Variants in FAM131B observed in about 807,000 individuals in gnomAD.
The protein encoded by FAM131B is family with sequence similarity 131 member B, also known as protein FAM131B.
A neutral mutation model predicts 42.0 loss-of-function variants in FAM131B; 19 were observed. That is an observed-to-expected ratio of 0.45 (90% CI 0.32 to 0.66). The LOEUF is 0.66. Among genes scored for constraint, FAM131B ranks in the 30% least tolerant of loss-of-function variants. FAM131B has a pLI of 0.05. For missense variants in FAM131B, 370 were observed against 468.4 expected (o/e 0.79, Z 1.94); for synonymous variants, 183 against 177.6 (o/e 1.03, Z -0.24).
At position 143,359,339 on chromosome 7, in the gene FAM131B, C is replaced by T. The variant is rs775720359; in HGVS notation, c.255G>A (p.Lys85=). 6.2e-7 allele frequency: 1 copy of T among 1,613,182 alleles called. No homozygotes were observed. Among genetic ancestry groups the T allele is most frequent in the Admixed American group, 1.7e-5 (1 of 59,986 alleles). The part of the protein sequence containing the change: ...SNAYGIGALA[K]SSFSGISRSM... ...CAGGAGTCTCACCTGAGAATGATGA[C>T]TTGGCCAGGGCCCCAATGCCATAGG... Residue 85 remains lysine (K), a synonymous_variant, in exon 4 of 7, where the codon AAG becomes AAA. Transcript: ENST00000443739. This position sits in a 1 kb window ranked among gnomAD's most constrained non-coding sequence, Gnocchi z 5.4.
intron 1 of FAM131B, 159 bp from the exon 2 acceptor site, chr7:143,360,308 G>A (rs1803898470): frequency 6.9e-7 from 1 of 1,447,048 alleles, no homozygotes. Flanking sequence ...TAGTAATGCT[G>A]AGCCCAAATA....
upstream of FAM131B, chr7:143,364,002 A>T (rs187232429): frequency 6.6e-6 from 1 of 152,238 alleles, no homozygotes; most frequent in Non-Finnish European, 1.5e-5. Flanking sequence ...GATTATGGTG[A>T]CAGAATCCAT....
chr7:143,382,256 C>T, the FAM131B span: 1 of 1,612,504 alleles, frequency 6.2e-7, no homozygotes, highest in Non-Finnish European at 8.5e-7. Flanking sequence ...AGACTTTCCC[C>T]TGCCTCCACC....
upstream of FAM131B, among the ~76,000 whole-genome samples, chr7:143,366,687 AGCTGGGACTACAG>A (rs753811611): frequency 2.4e-4 from 37 of 151,660 alleles, no homozygotes; most frequent in Admixed American, 5.3e-4. Context: ...TCTCTAGAGT[AGCTGGGACTACAG>A]GCACCCGCCA....
At position 143,356,633 on chromosome 7, in the gene FAM131B, T is replaced by C. The variant is rs1389527823; in HGVS notation, c.1000A>G (p.Thr334Ala). 2.5e-6 allele frequency: 4 copies of C among 1,614,016 alleles called. No individual in the cohort carries two copies. Among genetic ancestry groups the C allele is most frequent in the Non-Finnish European group, 3.4e-6 (4 of 1,179,996 alleles). Reference sequence around the variant, plus strand: ...TCAGACACCTTCCGGCTGAGAGCGGTAGACATCTCAGGGTCTTCTCGTGGG... The same window carrying C: ...TCAGACACCTTCCGGCTGAGAGCGGCAGACATCTCAGGGTCTTCTCGTGGG... ...LSPREDPEMS[T>A]ALSRKVSDVT... Residue 334 changes from threonine to alanine, a missense_variant, in exon 7 of 7, where the codon ACC becomes GCC. Thr to Ala is a moderately conservative substitution (Grantham distance 58). Transcript: ENST00000443739. The surrounding 1 kb of genome is among the most constrained non-coding windows in gnomAD (Gnocchi z 4.4).
At chr7:143,377,996 G>A in the FAM131B span, among the ~76,000 whole-genome samples, 10 of 152,194 alleles carry the variant, frequency 6.6e-5, no homozygotes, top group African/African-American at 4.8e-5. Flanking sequence ...GATTACAGGC[G>A]TGAGCCACTG....
chr7:143,382,069 T>A, the FAM131B span: 1 of 621,918 alleles, frequency 1.6e-6, no homozygotes, highest in Non-Finnish European at 2.7e-6. Context: ...TCCTCGGCAG[T>A]GCGCCCGGCC....
At chr7:143,374,287 G>A in the FAM131B span, among the ~76,000 whole-genome samples, 19 of 152,180 alleles carry the variant, frequency 1.2e-4, no homozygotes, top group African/African-American at 3.9e-4. Flanking sequence ...AGAGTGCCAC[G>A]CTCCACATAG....
the FAM131B span, chr7:143,379,597 G>A: frequency 6.6e-6 from 1 of 152,208 alleles, no homozygotes; most frequent in African/African-American, 2.4e-5. Context: ...CCCAGAAAGG[G>A]ACATATGGGG....
chr7:143,365,390 T>G (rs530213280), upstream of FAM131B, among the ~76,000 whole-genome samples: 15 of 152,176 alleles, frequency 9.9e-5, 1 homozygote, highest in Admixed American at 2.0e-4. Context: ...ATGAGAGAGA[T>G]AGAGAAAAAA....
the FAM131B span, chr7:143,380,469 G>T: frequency 1.0e-6 from 1 of 985,382 alleles, no homozygotes; most frequent in Non-Finnish European, 1.2e-6. This position sits in a 1 kb window ranked among gnomAD's most constrained non-coding sequence, Gnocchi z 5.0. Context: ...CGTGGTGGGC[G>T]TTGAAGGGCC....
chr7:143,372,566 G>C, the FAM131B span, among the ~76,000 whole-genome samples: 99 of 152,340 alleles, frequency 6.5e-4, 1 homozygote, highest in East Asian at 0.018. Flanking sequence ...TAACCTTTGA[G>C]CACCTGCAAT....
Position 143,356,466 on chromosome 7 carries a change from G to T in FAM131B, c.*84C>A. ...CCCCAATGTTGTCTGCCCAGTTTCA[G>T]CTGTACTGCTGGGGGGAGGGAGGGT... On this transcript the variant is annotated 3_prime_UTR_variant, in exon 7 of 7. Coordinates refer to ENST00000443739, the MANE Select transcript of FAM131B (RefSeq NM_001031690.3). This position sits in a 1 kb window ranked among gnomAD's most constrained non-coding sequence, Gnocchi z 4.4. 2.0e-6 allele frequency: 2 copies of T among 1,021,674 alleles called. No individual in the cohort carries two copies. The highest frequency in any genetic ancestry group is 3.0e-6 in the Non-Finnish European group (2 of 672,318). 63.3% of individuals were successfully genotyped at this position (1,021,674 alleles called of 1,614,324 possible).
chr7:143,357,503 G>A, intron 5 of FAM131B, 80 bp from the exon 6 acceptor site: 1 of 1,246,954 alleles, frequency 8.0e-7, no homozygotes, highest in Non-Finnish European at 1.1e-6. Context: ...ACATCTTAGT[G>A]CAGCACTGTT....
At position 143,358,785 on chromosome 7, in the gene FAM131B, C is replaced by T; in HGVS notation, c.466+42G>A. On this transcript the variant is annotated intron_variant, in intron 5 of 6. Coordinates refer to ENST00000443739, the MANE Select transcript of FAM131B (RefSeq NM_001031690.3). This position sits in a 1 kb window ranked among gnomAD's most constrained non-coding sequence, Gnocchi z 4.7. ...TCAGGTTGGAGGGTCGGTCCCTGGCCATCCTGCAAATGTGTCTCTTGAGGC... is the reference window on the plus strand; with the variant it reads ...TCAGGTTGGAGGGTCGGTCCCTGGCTATCCTGCAAATGTGTCTCTTGAGGC... 1.3e-6 allele frequency: 2 copies of T among 1,561,386 alleles called. No homozygotes were observed. The highest frequency in any genetic ancestry group is 1.1e-5 in the South Asian group (1 of 88,862).
chr7:143,369,083 T>G, the FAM131B span, among the ~76,000 whole-genome samples: 1 of 152,190 alleles, frequency 6.6e-6, no homozygotes, highest in Non-Finnish European at 1.5e-5. Context: ...GTTGAATACT[T>G]AGAAATCAAG....
At position 143,355,457 on chromosome 7, in the gene FAM131B, G is replaced by T. The variant is rs1206296794; in HGVS notation, c.*1093C>A. The T allele has an allele frequency of 6.6e-5, 10 of 152,608 alleles. No individual in the cohort carries two copies. The highest frequency in any genetic ancestry group is 7.3e-5 in the Non-Finnish European group (5 of 68,086). 9.5% of individuals were successfully genotyped at this position (152,608 alleles called of 1,614,324 possible). A position where few individuals can be genotyped will look rare whatever the true frequency, so the allele number is the denominator to read the frequency against. ...GCAGAAAGTGCCGAGTGCCCACCCT[G>T]GCCCTCAGCTGCAACCCTGCCTGGC... On this transcript the variant is annotated 3_prime_UTR_variant, in exon 7 of 7. Coordinates refer to ENST00000443739, the MANE Select transcript of FAM131B (RefSeq NM_001031690.3). The surrounding 1 kb of genome is among the most constrained non-coding windows in gnomAD (Gnocchi z 4.1).
Position 143,357,295 on chromosome 7 carries a change from G to T in FAM131B, c.595C>A (p.Leu199Met). Reference sequence around the variant, plus strand: ...CATCTCTCACCCTGACTGTCCATCAGTTCCTGGTAGTTGTCACTGTAGTTG... The same window carrying T: ...CATCTCTCACCCTGACTGTCCATCATTTCCTGGTAGTTGTCACTGTAGTTG... ...GCNYSDNYQE[L>M]MDSQDALAQA... Residue 199 changes from leucine to methionine, a missense_variant, in exon 6 of 7, where the codon CTG becomes ATG. Physicochemically the swap from Leu to Met is conservative, Grantham distance 15 (BLOSUM62 2). Coordinates refer to ENST00000443739, the MANE Select transcript of FAM131B (RefSeq NM_001031690.3). 9 of 1,614,204 alleles carry T rather than the reference G, an allele frequency of 5.6e-6. No individual in the cohort carries two copies. Among genetic ancestry groups the T allele is most frequent in the Non-Finnish European group, 7.6e-6 (9 of 1,180,018 alleles).
the FAM131B span, among the ~76,000 whole-genome samples, chr7:143,370,646 G>A: frequency 0.2 from 30,466 of 152,108 alleles, 3,568 homozygotes; most frequent in East Asian, 0.36. Flanking sequence ...ACCTCAGGAA[G>A]TTACCTTATG....
Sources: gnomAD v4.1 joint callset for allele counts (sites outside exome capture counted in the v4.1 genomes callset) on GRCh38, gnomAD v4.1.1 for gene constraint, Gnocchi (gnomAD v3.1) non-coding constraint, MANE v1.5 for transcripts, NCBI Gene and HGNC (gene_info 2026-07-23, HGNC 2026-07-21) for gene names.